Variants in NCKAP5 observed in about 807,000 individuals in gnomAD.
The protein encoded by NCKAP5 is nck-associated protein 5.
Under a neutral mutation model 167.0 loss-of-function variants are expected in NCKAP5, and 92 were observed. The ratio of observed to expected loss-of-function variants is 0.55; its 90% CI spans 0.47 to 0.66. The LOEUF is 0.66. NCKAP5 is among the 30% of genes least tolerant of loss of function. NCKAP5 has a pLI of 0.00. For synonymous variants in NCKAP5, 891 were observed against 877.4 expected, an observed-to-expected ratio of 1.02 and a Z score of -0.27; for missense variants, 2,378 against 2,315.0, an observed-to-expected ratio of 1.03 and a Z score of -0.56.
At chr2:133,422,090 C>CA in intron 3 of NCKAP5, among the ~76,000 whole-genome samples, 1 of 152,338 alleles carries the variant, frequency 6.6e-6, no homozygotes, top group South Asian at 2.1e-4. Context: ...GCACAGAGTG[C>CA]AGGGGACACT....
intron 18 of NCKAP5, among the ~76,000 whole-genome samples, chr2:132,727,782 C>T (rs1436795643): frequency 6.6e-6 from 1 of 152,184 alleles, no homozygotes; most frequent in Non-Finnish European, 1.5e-5. Context: ...TCCAGCAGGA[C>T]TCTAGTGTTC....
At position 132,688,149 on chromosome 2, in the gene NCKAP5, C is replaced by T. The variant is rs573007327; in HGVS notation, c.5714-14844G>A. Among the ~76,000 whole-genome samples the T allele has an allele frequency of 1.3e-3, 194 of 151,998 alleles. 1 individual carries two copies. Among genetic ancestry groups the T allele is most frequent in the South Asian group, 6.9e-3 (33 of 4,792 alleles). ...TTTTATAATCAATTTTAAGCGAGTC[C>T]CTAACAGAAGATAAGATGAAGAAAA... On this transcript the variant is annotated intron_variant, in intron 19 of 19. Coordinates refer to ENST00000409261, the MANE Select transcript of NCKAP5 (RefSeq NM_207363.3).
chr2:132,712,136 A>C (rs930698064), intron 19 of NCKAP5, among the ~76,000 whole-genome samples: 13 of 152,084 alleles, frequency 8.5e-5, no homozygotes, highest in Non-Finnish European at 1.8e-4. Context: ...CCCTCACAGA[A>C]CTGTATGACC....
Position 132,924,906 on chromosome 2 carries a change from A to AT in NCKAP5, c.579+38813dup, listed in dbSNP as rs58999313. ...ATGAATGTGAAGTGGATTGGGATAG[A>AT]TTTTTTTTTTAAGCTAAGGGTGAAA... On this transcript the variant is annotated intron_variant, in intron 8 of 19. Transcript: ENST00000409261. Among the ~76,000 whole-genome samples, 1,732 of 150,366 alleles carry AT rather than the reference A, an allele frequency of 0.012. 84 individuals carry two copies. The East Asian group carries it at 0.18, about 15-fold the overall frequency.
chr2:133,067,040 T>A (rs1456068240), intron 6 of NCKAP5, among the ~76,000 whole-genome samples: 3 of 148,238 alleles, frequency 2.0e-5, no homozygotes, highest in Non-Finnish European at 3.0e-5. Flanking sequence ...TTTATTTTTT[T>A]ATTTTTGGTA....
At chr2:132,952,181 T>C (rs1014069769) in intron 8 of NCKAP5, among the ~76,000 whole-genome samples, 4 of 152,212 alleles carry the variant, frequency 2.6e-5, no homozygotes, top group African/African-American at 7.2e-5. Flanking sequence ...AACACTTTGT[T>C]CTAATTATCT....
chr2:133,257,327 C>G (rs1232096740), intron 4 of NCKAP5, among the ~76,000 whole-genome samples: 2 of 152,174 alleles, frequency 1.3e-5, no homozygotes, highest in African/African-American at 4.8e-5. Flanking sequence ...AATATTCACA[C>G]TAATAACTAC....
intron 16 of NCKAP5, among the ~76,000 whole-genome samples, chr2:132,743,447 C>T (rs1679378184): frequency 6.6e-6 from 1 of 151,460 alleles, no homozygotes; most frequent in African/African-American, 2.4e-5. Flanking sequence ...TGAAAATAGC[C>T]TGTAACATAT....
intron 3 of NCKAP5, among the ~76,000 whole-genome samples, chr2:133,474,161 C>T (rs973905375): frequency 5.6e-4 from 70 of 124,154 alleles, no homozygotes; most frequent in African/African-American, 2.1e-3. Context: ...TCTATACACA[C>T]ACACACACAC....
At chr2:133,632,455 A>G in the NCKAP5 span, among the ~76,000 whole-genome samples, 38 of 152,240 alleles carry the variant, frequency 2.5e-4, no homozygotes, top group Non-Finnish European at 4.3e-4. Flanking sequence ...ATGCACCAAC[A>G]TCTTAAGTAA....
chr2:133,305,616 G>A (rs1408627472), intron 3 of NCKAP5, among the ~76,000 whole-genome samples: 1 of 152,190 alleles, frequency 6.6e-6, no homozygotes, highest in South Asian at 2.1e-4. Context: ...AGAATAGGCA[G>A]TTAGGCAGAG....
At chr2:133,270,097 G>A in intron 4 of NCKAP5, among the ~76,000 whole-genome samples, 1 of 152,164 alleles carries the variant, frequency 6.6e-6, no homozygotes, top group East Asian at 1.9e-4. Flanking sequence ...AATAACTTAC[G>A]TAAAGCTCTT....
intron 6 of NCKAP5, among the ~76,000 whole-genome samples, chr2:133,009,176 T>G (rs547951481): frequency 6.6e-6 from 1 of 152,320 alleles, no homozygotes; most frequent in African/African-American, 2.4e-5. Context: ...GTGTTTTAAA[T>G]AAGAATATTC....
intron 5 of NCKAP5, among the ~76,000 whole-genome samples, chr2:133,137,158 T>A (rs1231649691): frequency 1.3e-5 from 2 of 152,196 alleles, no homozygotes; most frequent in East Asian, 1.9e-4. Flanking sequence ...AGTTTCACCA[T>A]AAAGCTCTCT....
In NCKAP5 at chr2:132,801,168, T is replaced by C. The variant is rs868797981; in HGVS notation, c.808-4439A>G. Among the ~76,000 whole-genome samples the C allele has an allele frequency of 1.1e-4, 17 of 152,158 alleles. 1 individual carries two copies. Among genetic ancestry groups the C allele is most frequent in the Admixed American group, 3.3e-4 (5 of 15,280 alleles). On this transcript the variant is annotated intron_variant, in intron 11 of 19. Coordinates refer to ENST00000409261, the MANE Select transcript of NCKAP5 (RefSeq NM_207363.3). ...CACAGCAACCTTGGAAGCCACTTGT[T>C]GAAGATGAAGCCAACCAGGTATAAG...
At chr2:133,434,994 A>G (rs1210862219) in intron 3 of NCKAP5, among the ~76,000 whole-genome samples, 1 of 152,238 alleles carries the variant, frequency 6.6e-6, no homozygotes, top group Non-Finnish European at 1.5e-5. Flanking sequence ...GTCTTAACCC[A>G]AATCCAAAAG....
intron 15 of NCKAP5, among the ~76,000 whole-genome samples, chr2:132,779,015 C>T (rs1172003816): frequency 2.6e-5 from 4 of 152,202 alleles, no homozygotes; most frequent in East Asian, 3.9e-4. Context: ...AGGTTAATAA[C>T]ATTTCTCTGT....
chr2:133,509,696 A>G (rs1165737255), intron 3 of NCKAP5, among the ~76,000 whole-genome samples: 1 of 152,200 alleles, frequency 6.6e-6, no homozygotes, highest in Non-Finnish European at 1.5e-5. Flanking sequence ...GACAGTTTTC[A>G]TTGTCACAAT....
chr2:133,322,824 A>G (rs1467459166), intron 3 of NCKAP5, among the ~76,000 whole-genome samples: 2 of 152,202 alleles, frequency 1.3e-5, no homozygotes, highest in African/African-American at 4.8e-5. Flanking sequence ...TACCACCTGG[A>G]GAGCTTGCTA....
Sources: allele counts gnomAD v4.1 joint callset (sites outside exome capture counted in the v4.1 genomes callset), GRCh38; gene constraint gnomAD v4.1.1; transcripts MANE v1.5; gene names NCBI Gene and HGNC (gene_info 2026-07-23, HGNC 2026-07-21).